The following GBA1 variants were observed in gnomAD, a reference collection of about 807,000 sequenced individuals.
The protein encoded by GBA1 is glucosylceramidase beta 1, also known as lysosomal acid glucosylceramidase.
At chr1:155,236,118 C>T in the GBA1 span, 1 of 877,478 alleles carries the variant, frequency 1.1e-6, no homozygotes, top group Non-Finnish European at 1.9e-6. Flanking sequence ...ATCATGGTTC[C>T]CCAGAGTTGC....
At chr1:155,240,449 G>A in the GBA1 span, 2 of 691,872 alleles carry the variant, frequency 2.9e-6, no homozygotes, top group Non-Finnish European at 5.2e-6. Context: ...AGGCAACAGA[G>A]TAAGACTCTG....
chr1:155,239,755 T>C, the GBA1 span: 2 of 1,613,994 alleles, frequency 1.2e-6, no homozygotes, highest in Non-Finnish European at 8.5e-7. Flanking sequence ...GCAGGGTCAG[T>C]AGCAGGCCTG....
chr1:155,236,407 G>A, the GBA1 span: 1 of 1,614,194 alleles, frequency 6.2e-7, no homozygotes, highest in Admixed American at 1.7e-5. Flanking sequence ...GAGCCAGAAA[G>A]TCCAGGTACC....
the GBA1 span, chr1:155,235,211 C>A: frequency 6.2e-7 from 1 of 1,613,388 alleles, no homozygotes; most frequent in Non-Finnish European, 8.5e-7. Context: ...AGCACGACCA[C>A]AACAGCAGAG....
the GBA1 span, chr1:155,239,839 C>T: frequency 1.2e-6 from 2 of 1,613,942 alleles, no homozygotes; most frequent in East Asian, 4.5e-5. Context: ...CCATTTACCT[C>T]TAGGAGGACC....
chr1:155,240,288 AC>A, the GBA1 span: 3 of 608,224 alleles, frequency 4.9e-6, no homozygotes, highest in South Asian at 5.9e-5. Flanking sequence ...GCATGGTGAA[AC>A]CCCGTCTCTA....
the GBA1 span, chr1:155,236,419 A>G: frequency 3.7e-6 from 6 of 1,614,166 alleles, no homozygotes; most frequent in Admixed American, 1.0e-4. Context: ...CCAGGTACCA[A>G]TGTACAGCAA....
At chr1:155,239,739 C>G in the GBA1 span, 2 of 1,614,032 alleles carry the variant, frequency 1.2e-6, no homozygotes, top group African/African-American at 2.7e-5. Flanking sequence ...AACTTCTGTT[C>G]TGGCTGCAGG....
At chr1:155,242,203 T>C in the GBA1 span, among the ~76,000 whole-genome samples, 1 of 152,194 alleles carries the variant, frequency 6.6e-6, no homozygotes, top group East Asian at 1.9e-4. Context: ...TGGGAACTAC[T>C]TGTCTCTTGT....
the GBA1 span, chr1:155,238,760 T>C: frequency 2.5e-6 from 4 of 1,596,646 alleles, no homozygotes; most frequent in East Asian, 2.2e-5. Flanking sequence ...CAAAGGGAAC[T>C]TGGGCTCCTG....
chr1:155,236,386 G>A, the GBA1 span: 1 of 1,614,182 alleles, frequency 6.2e-7, no homozygotes, highest in Non-Finnish European at 8.5e-7. Context: ...CCCCTAGGGT[G>A]GCTTTGGCTG....
chr1:155,243,547 AC>A, the GBA1 span, among the ~76,000 whole-genome samples: 1 of 151,994 alleles, frequency 6.6e-6, no homozygotes, highest in African/African-American at 2.4e-5. Flanking sequence ...GCTCAGTGCA[AC>A]CTCTGCCTCC....
the GBA1 span, among the ~76,000 whole-genome samples, chr1:155,243,121 C>T: frequency 6.6e-6 from 1 of 152,188 alleles, no homozygotes; most frequent in African/African-American, 2.4e-5. Context: ...GGCCTCTGTT[C>T]CTGGAGTTCC....
the GBA1 span, chr1:155,238,214 A>C: frequency 8.1e-6 from 13 of 1,613,880 alleles, no homozygotes; most frequent in Admixed American, 5.0e-5. Flanking sequence ...TCACCGCTCC[A>C]TTGGTCTTGA....
At chr1:155,236,945 A>G in the GBA1 span, among the ~76,000 whole-genome samples, 1 of 151,436 alleles carries the variant, frequency 6.6e-6, no homozygotes, top group African/African-American at 2.4e-5. Flanking sequence ...GCTCACCGCA[A>G]CCACCATCTC....
At chr1:155,240,036 C>T in the GBA1 span, 1 of 1,613,964 alleles carries the variant, frequency 6.2e-7, no homozygotes, top group Non-Finnish European at 8.5e-7. Flanking sequence ...ACACACACCA[C>T]CGAGCTGTAG....
chr1:155,236,715 G>A, the GBA1 span, among the ~76,000 whole-genome samples: 15 of 152,168 alleles, frequency 9.9e-5, no homozygotes, highest in African/African-American at 3.6e-4. Flanking sequence ...AGCCTCCTGA[G>A]TAGCTGGGAC....
chr1:155,242,885 A>G, the GBA1 span, among the ~76,000 whole-genome samples: 1 of 152,068 alleles, frequency 6.6e-6, no homozygotes, highest in South Asian at 2.1e-4. Flanking sequence ...GAGCCACCAC[A>G]CCCGGTCCCT....
At chr1:155,236,969 A>G in the GBA1 span, among the ~76,000 whole-genome samples, 1 of 151,434 alleles carries the variant, frequency 6.6e-6, no homozygotes, top group Non-Finnish European at 1.5e-5. Context: ...GGTTCAACTG[A>G]TTCTCCCTTC....
Sources: gnomAD v4.1 joint callset for allele counts (sites outside exome capture counted in the v4.1 genomes callset) on GRCh38, gnomAD v4.1.1 for gene constraint, MANE v1.5 for transcripts, NCBI Gene and HGNC (gene_info 2026-07-23, HGNC 2026-07-21) for gene names.